Variants in RTN1 observed in about 807,000 individuals in gnomAD.
RTN1 encodes reticulon-1.
RTN1 carries 25 observed loss-of-function variants against 65.5 expected under a neutral mutation model. The observed-to-expected ratio is 0.38, with a 90% confidence interval of 0.28 to 0.53. The LOEUF (loss-of-function observed/expected upper bound fraction) is 0.53, where lower values mean the gene tolerates loss of function less well. RTN1 is among the 20% of genes least tolerant of loss of function. RTN1 has a pLI of 0.79. For synonymous variants in RTN1, 471 were observed against 447.6 expected (o/e 1.05, Z -0.66); for missense variants, 983 against 1,025.4 (o/e 0.96, Z 0.57).
intron 1 of RTN1, among the ~76,000 whole-genome samples, chr14:59,821,053 CA>C (rs1423058328): frequency 6.6e-6 from 1 of 152,124 alleles, no homozygotes; most frequent in African/African-American, 2.4e-5. Context: ...TGAAAAACGA[CA>C]TTGGTAGTTT....
intron 3 of RTN1, among the ~76,000 whole-genome samples, chr14:59,686,728 G>C (rs1594678200): frequency 7.2e-5 from 11 of 152,194 alleles, no homozygotes; most frequent in Admixed American, 7.2e-4. Flanking sequence ...GATCTGAGCA[G>C]CCCAGGTTAA....
intron 1 of RTN1, among the ~76,000 whole-genome samples, chr14:59,799,999 C>A (rs376565097): frequency 4.6e-5 from 7 of 151,938 alleles, no homozygotes; most frequent in Admixed American, 4.6e-4. Context: ...ATAAGCCTGG[C>A]AAAAAGTAAT....
At chr14:59,729,383 C>A (rs895851643) in intron 2 of RTN1, among the ~76,000 whole-genome samples, 3 of 152,018 alleles carry the variant, frequency 2.0e-5, no homozygotes, top group Admixed American at 1.3e-4. Context: ...TATGGGTTCC[C>A]CCCCTTTTTT....
intron 3 of RTN1, among the ~76,000 whole-genome samples, chr14:59,716,130 TATAC>T (rs1453308030): frequency 6.6e-6 from 1 of 152,196 alleles, no homozygotes; most frequent in Non-Finnish European, 1.5e-5. Context: ...TTTACATCTA[TATAC>T]ATTTTTGATA....
chr14:59,709,176 T>A (rs563015597), intron 3 of RTN1, among the ~76,000 whole-genome samples: 1 of 152,322 alleles, frequency 6.6e-6, no homozygotes, highest in East Asian at 1.9e-4. Context: ...GGGTGAAATG[T>A]CTTGGTGGCT....
chr14:59,727,392 T>G lies in RTN1; in HGVS notation c.1292A>C (p.Tyr431Ser). 1 of 1,542,616 alleles carries G rather than the reference T, an allele frequency of 6.5e-7. No homozygotes were observed. The highest frequency in any genetic ancestry group is 2.4e-5 in the East Asian group (1 of 40,940). The change falls in exon 3 of 9, where the codon TAT becomes TCT. Residue 431 changes from tyrosine to serine, a missense_variant. Around this residue, in one of 2 missense-constraint regions of RTN1, gnomAD observed 818 missense variants for 801.8 expected, o/e 1.02. Transcript: ENST00000267484. This position sits in a 1 kb window ranked among gnomAD's most constrained non-coding sequence, Gnocchi z 4.2. ...MAAEDALPSG[Y>S]VSFGHVGGPP... ...GCCGCCCACGTGGCCAAAGCTCACA[T>G]AGCCTGAGGGCAGCGCGTCCTCCGC...
chr14:59,632,436 T>C (rs1424247002), intron 3 of RTN1, among the ~76,000 whole-genome samples: 1 of 152,174 alleles, frequency 6.6e-6, no homozygotes, highest in Non-Finnish European at 1.5e-5. Flanking sequence ...CTGCATGATA[T>C]GAGGACAAGA....
intron 1 of RTN1, among the ~76,000 whole-genome samples, chr14:59,750,072 T>TTATAGACA (rs1885417391): frequency 3.7e-5 from 3 of 80,444 alleles, no homozygotes; most frequent in Non-Finnish European, 6.3e-5. Flanking sequence ...ATATTATATA[T>TTATAGACA]TATATATTAT....
chr14:59,851,511 T>C (rs1435298881), intron 1 of RTN1, among the ~76,000 whole-genome samples: 1 of 152,186 alleles, frequency 6.6e-6, no homozygotes, highest in Non-Finnish European at 1.5e-5. Context: ...GAAAGTATAT[T>C]ACTTCTCTTC....
At chr14:59,668,072 T>C (rs879311248) in intron 3 of RTN1, among the ~76,000 whole-genome samples, 13 of 152,004 alleles carry the variant, frequency 8.6e-5, no homozygotes, top group Admixed American at 6.6e-4. Context: ...CAAGCTAACA[T>C]TGATTTTCTT....
chr14:59,601,181 C>G (rs2071133403), intron 8 of RTN1, among the ~76,000 whole-genome samples: 1 of 152,182 alleles, frequency 6.6e-6, no homozygotes, highest in Admixed American at 6.5e-5. Flanking sequence ...TCTAGACATA[C>G]TGGTTGACTG....
intron 3 of RTN1, among the ~76,000 whole-genome samples, chr14:59,635,501 A>G (rs1882644607): frequency 6.6e-6 from 1 of 152,214 alleles, no homozygotes; most frequent in South Asian, 2.1e-4. Context: ...TAAAATTAAA[A>G]CAGGAGACAA....
intron 3 of RTN1, among the ~76,000 whole-genome samples, chr14:59,724,665 AGCCAAGATCAC>A (rs1221663943): frequency 6.6e-6 from 1 of 151,552 alleles, no homozygotes; most frequent in Non-Finnish European, 1.5e-5. Context: ...AGGTTCAGTG[AGCCAAGATCAC>A]GCCATTGCAC....
At chr14:59,854,898 A>G (rs1283120498) in intron 1 of RTN1, among the ~76,000 whole-genome samples, 1 of 152,234 alleles carries the variant, frequency 6.6e-6, no homozygotes, top group Non-Finnish European at 1.5e-5. Flanking sequence ...TAAACAGCCC[A>G]GAACACATTG....
chr14:59,609,602 T>C (rs1394003113), intron 3 of RTN1, among the ~76,000 whole-genome samples: 2 of 152,136 alleles, frequency 1.3e-5, no homozygotes, highest in African/African-American at 4.8e-5. Context: ...CTGGGTTGAA[T>C]GGATTGGAGA....
intron 3 of RTN1, among the ~76,000 whole-genome samples, chr14:59,683,839 C>G (rs957858579): frequency 1.3e-5 from 2 of 152,154 alleles, no homozygotes; most frequent in East Asian, 3.9e-4. Context: ...ATCTAATTTG[C>G]TTTTCTTTGT....
intron 1 of RTN1, among the ~76,000 whole-genome samples, chr14:59,755,373 G>A (rs1885617308): frequency 6.6e-6 from 1 of 151,884 alleles, no homozygotes. Flanking sequence ...AAAAAGTGTG[G>A]GCATAATAAA....
chr14:59,598,924 G>A (rs932379206), intron 8 of RTN1, among the ~76,000 whole-genome samples: 6 of 152,110 alleles, frequency 3.9e-5, no homozygotes, highest in African/African-American at 9.7e-5. Flanking sequence ...CAGTACCCTG[G>A]TCATCTTTGT....
rs138600006 is a variant in RTN1, at chr14:59,793,752, C to T, written c.242-47271G>A. ...TAGACTCTTTTAAGAGTTGTTATAC[C>T]AATATATACTCACTATTGTGCTACT... On this transcript the variant is annotated intron_variant, in intron 1 of 8. Transcript: ENST00000267484. Among the ~76,000 whole-genome samples, 13 of 151,546 alleles carry T rather than the reference C, an allele frequency of 8.6e-5. No homozygotes were observed. In the East Asian group the frequency reaches 2.5e-3, roughly 29 times the overall value.
Sources: gnomAD v4.1 joint callset for allele counts (sites outside exome capture counted in the v4.1 genomes callset) on GRCh38, gnomAD v4.1.1 for gene constraint, gnomAD v4.1.1 regional missense constraint, Gnocchi (gnomAD v3.1) non-coding constraint, MANE v1.5 for transcripts, NCBI Gene and HGNC (gene_info 2026-07-23, HGNC 2026-07-21) for gene names.